NCAPD3: variants seen among roughly 807,000 people sequenced by gnomAD.
NCAPD3 encodes condensin-2 complex subunit D3.
Under a neutral mutation model 182.9 loss-of-function variants are expected in NCAPD3, and 105 were observed. The observed-to-expected ratio is 0.57, with a 90% CI of 0.49 to 0.68. NCAPD3 has a LOEUF of 0.68. NCAPD3 is among the 30% of genes least tolerant of loss of function. The pLI is 0.00. For missense variants in NCAPD3, 1,944 were observed against 1,837.0 expected, an observed-to-expected ratio of 1.06 and a Z score of -1.07; for synonymous variants, 815 against 679.9, an observed-to-expected ratio of 1.20 and a Z score of -3.09.
At position 134,157,948 on chromosome 11, in the gene NCAPD3, G is replaced by C; in HGVS notation, c.4154C>G (p.Pro1385Arg). 3 of 1,613,548 alleles carry C rather than the reference G, an allele frequency of 1.9e-6. No individual in the cohort carries two copies. The highest frequency in any genetic ancestry group is 1.7e-6 in the Non-Finnish European group (2 of 1,179,784). Residue 1385 changes from proline (P) to arginine (R), a missense_variant, in exon 31 of 35, where the codon CCA becomes CGA. Transcript: ENST00000534548. ...VLPFTLNSGS[P>R]EKTCSQVSSY... ...CTTACCCTGACTGCACGTTTTTTCTGGGCTTCCAGAATTTAAAGTGAAAGG... is the reference window on the plus strand; with the variant it reads ...CTTACCCTGACTGCACGTTTTTTCTCGGCTTCCAGAATTTAAAGTGAAAGG...
At chr11:134,224,083 G>T, upstream of NCAPD3, 1 of 863,970 alleles carries the variant, frequency 1.2e-6, no homozygotes, top group Non-Finnish European at 1.8e-6. Flanking sequence ...CCAATCACCG[G>T]CGTCGTCCGC....
At chr11:134,174,528 A>T (rs1027238476) in intron 24 of NCAPD3, among the ~76,000 whole-genome samples, 1 of 151,954 alleles carries the variant, frequency 6.6e-6, no homozygotes, top group Non-Finnish European at 1.5e-5. Flanking sequence ...ACACACTCTC[A>T]CTCATATGTA....
In NCAPD3 at chr11:134,206,665, T is replaced by C. The variant is rs1304833066; in HGVS notation, c.950A>G (p.His317Arg). 3.1e-6 allele frequency: 5 copies of C among 1,613,864 alleles called. No individual in the cohort carries two copies. The highest frequency in any genetic ancestry group is 1.6e-4 in the Middle Eastern group (1 of 6,062). ...ILMLEVGEGS[H>R]RAPLAVTSQV... is the part of the protein sequence containing the mutation. ...GGAGGTAACAGCAAGGGGGGCACGA[T>C]GGGATCCTTCACCAACTTCTAACAT... The change falls in exon 8 of 35, where the codon CAT becomes CGT. Residue 317 changes from histidine (H) to arginine (R), a missense_variant. Physicochemically the swap from His to Arg is conservative, Grantham distance 29. This residue lies in a region of NCAPD3 where 1,803 missense variants were observed against 1,674.6 expected (regional missense o/e 1.08). Coordinates refer to ENST00000534548, the MANE Select transcript of NCAPD3 (RefSeq NM_015261.3).
At chr11:134,171,210 C>T (rs139900473) in intron 24 of NCAPD3, among the ~76,000 whole-genome samples, 2 of 152,122 alleles carry the variant, frequency 1.3e-5, no homozygotes, top group Non-Finnish European at 2.9e-5. Context: ...CTCAGGGATG[C>T]GGTCTATGGA....
At chr11:134,224,182 G>A (rs1938361888), upstream of NCAPD3, 2 of 586,676 alleles carry the variant, frequency 3.4e-6, no homozygotes, top group East Asian at 5.8e-5. Flanking sequence ...GAAGGAGCCA[G>A]GGCCTGAGTT....
At chr11:134,168,769 T>C (rs934257470) in intron 25 of NCAPD3, 148 bp downstream of exon 25, 1 of 1,355,514 alleles carries the variant, frequency 7.4e-7, no homozygotes, top group African/African-American at 1.5e-5. Context: ...TTCTCACGAC[T>C]GTATTTTCTT....
chr11:134,168,924 A>T lies in NCAPD3; in HGVS notation c.3232T>A (p.Ser1078Thr). 6.2e-7 allele frequency: 1 copy of T among 1,613,178 alleles called. No homozygotes were observed. The highest frequency in any genetic ancestry group is 1.1e-5 in the South Asian group (1 of 90,886). The change falls in exon 25 of 35, where the codon TCA (serine) becomes ACA (threonine). Residue 1078 changes from serine to threonine, a missense_variant. By Grantham distance (58) the Ser-to-Thr change is moderately conservative. This residue lies in a region of NCAPD3 where 1,803 missense variants were observed against 1,674.6 expected (regional missense o/e 1.08). Transcript: ENST00000534548. ...KHEKYNKFPQSEREKRLFSLK... is the reference protein window; with the variant it reads ...KHEKYNKFPQTEREKRLFSLK... ...CTTAGCTGCTTCACTGACCTCTCTG[A>T]CTGGGGGAACTTGTTGTACTTCTCA... is the stretch of plus-strand genomic sequence containing the variant.
chr11:134,160,017 G>C lies in NCAPD3; in HGVS notation c.3742C>G (p.Leu1248Val), dbSNP rs991995164. ...ATGTCATACTCAAGCTCTGATGCCA[G>C]CTGTTTGTCAACTGCAAAGAAGTCC... ...LKDFFAVDKQLASELEYDMKK... is the reference protein window; with the variant it reads ...LKDFFAVDKQVASELEYDMKK... The change falls in exon 29 of 35, where the codon CTG (leucine) becomes GTG (valine). Residue 1248 changes from leucine to valine, a missense_variant. By Grantham distance (32) the Leu-to-Val change is conservative. Transcript: ENST00000534548. 2 of 1,614,148 alleles carry C rather than the reference G, an allele frequency of 1.2e-6. No homozygotes were observed. The highest frequency in any genetic ancestry group is 1.7e-6 in the Non-Finnish European group (2 of 1,180,042).
In NCAPD3 at chr11:134,151,783, T is replaced by TA. The variant is rs774487771; in HGVS notation, c.*1160dup. 7.2e-5 allele frequency: 11 copies of TA among 152,226 alleles called. No homozygotes were observed. Among genetic ancestry groups the TA allele is most frequent in the Non-Finnish European group, 1.6e-4 (11 of 68,038 alleles). The allele number at this position is 152,226 out of a possible 1,614,324, so 9.4% of individuals were successfully genotyped here. On this transcript the variant is annotated 3_prime_UTR_variant, in exon 35 of 35. Transcript: ENST00000534548. Reference sequence around the variant, plus strand: ...TGCTTCATTCTTTGTTATTTGCTCTTACGTTGGGTTTGTCTCTTCTTCCTA... The same window carrying TA: ...TGCTTCATTCTTTGTTATTTGCTCTTAACGTTGGGTTTGTCTCTTCTTCCTA...
intron 2 of NCAPD3, among the ~76,000 whole-genome samples, chr11:134,219,155 G>A (rs892508243): frequency 5.3e-5 from 8 of 152,078 alleles, no homozygotes; most frequent in African/African-American, 1.2e-4. Flanking sequence ...TTCCCATTGG[G>A]TGGCTCCTTC....
intron 23 of NCAPD3, among the ~76,000 whole-genome samples, 192 bp downstream of exon 23, chr11:134,177,027 A>G (rs1464191609): frequency 2.6e-5 from 4 of 152,260 alleles, no homozygotes; most frequent in Admixed American, 2.6e-4. Flanking sequence ...AAAGTCCCAA[A>G]ATGAACATTC....
rs1218384099 is a variant in NCAPD3 at position 134,152,880 on chromosome 11, CGGA to C, written c.*61_*63del. ...GGGAAGTGATCCAGCTGCCTTCACA[CGGA>C]GGACACGAGACTGCTTCCTCAAGGG... On this transcript the variant is annotated 3_prime_UTR_variant, in exon 35 of 35. Transcript: ENST00000534548. The C allele has an allele frequency of 1.5e-6, 2 of 1,302,886 alleles. No individual in the cohort carries two copies. The highest frequency in any genetic ancestry group is 3.0e-5 in the African/African-American group (2 of 67,292). The allele number at this position is 1,302,886 out of a possible 1,614,324, so 80.7% of individuals were successfully genotyped here.
At chr11:134,178,346 G>C (rs184545140) in intron 22 of NCAPD3, 1 of 239,842 alleles carries the variant, frequency 4.2e-6, no homozygotes, top group East Asian at 7.8e-5. Context: ...ACAGAAACAG[G>C]TATAATTGTA....
rs1395822464 is a variant in NCAPD3, at chr11:134,169,103, A to G, written c.3102-49T>C. ...AGGGAGACCCATTTGCTATGTACCA[A>G]CAGTCTCTGAATACACCAAGAACTC... On this transcript the variant is annotated intron_variant, in intron 24 of 34. Coordinates refer to ENST00000534548, the MANE Select transcript of NCAPD3 (RefSeq NM_015261.3). 3.2e-6 allele frequency: 5 copies of G among 1,578,448 alleles called. No individual in the cohort carries two copies. The African/African-American group carries it at 6.8e-5, about 21-fold the overall frequency.
chr11:134,166,743 TG>T (rs578065383), intron 27 of NCAPD3, among the ~76,000 whole-genome samples: 51 of 77,888 alleles, frequency 6.5e-4, no homozygotes, highest in African/African-American at 2.6e-3. Context: ...GAGATGAGCT[TG>T]GGGGAGGCGC....
intron 1 of NCAPD3, among the ~76,000 whole-genome samples, chr11:134,222,230 C>T (rs1938257863): frequency 6.6e-6 from 1 of 152,220 alleles, no homozygotes; most frequent in African/African-American, 2.4e-5. Context: ...ATGCAGGTAA[C>T]TTCTGCTCTG....
At chr11:134,164,814 C>T (rs1943713377) in intron 27 of NCAPD3, among the ~76,000 whole-genome samples, 3 of 144,260 alleles carry the variant, frequency 2.1e-5, no homozygotes, top group Non-Finnish European at 4.5e-5. Context: ...ACTTCACACT[C>T]ATGAAATGAC....
In NCAPD3 at chr11:134,178,717, T is replaced by C; in HGVS notation, c.2699A>G (p.Glu900Gly). 1 of 1,606,154 alleles carries C rather than the reference T, an allele frequency of 6.2e-7. No homozygotes were observed. The highest frequency in any genetic ancestry group is 1.7e-5 in the Admixed American group (1 of 59,662). The change falls in exon 22 of 35, where the codon GAG becomes GGG. Residue 900 changes from glutamate to glycine, a missense_variant. Physicochemically the swap from Glu to Gly is moderately conservative, Grantham distance 98 (BLOSUM62 -2). Transcript: ENST00000534548. ...DHSPSSQGSS[E>G]APASQPPPQV... ...GGGGGGTGGCTGAGACGCTGGGGCCTCACTGCTGCCTTGAGATGATGGTGC... is the reference window on the plus strand; with the variant it reads ...GGGGGGTGGCTGAGACGCTGGGGCCCCACTGCTGCCTTGAGATGATGGTGC...
At chr11:134,174,686 T>C (rs1944116886) in intron 24 of NCAPD3, among the ~76,000 whole-genome samples, 2 of 152,098 alleles carry the variant, frequency 1.3e-5, no homozygotes, top group African/African-American at 4.8e-5. Flanking sequence ...TTGAATATAA[T>C]AACAACAATT....
Sources: allele counts gnomAD v4.1 joint callset (sites outside exome capture counted in the v4.1 genomes callset), GRCh38; gene constraint gnomAD v4.1.1; regional missense constraint gnomAD v4.1.1; transcripts MANE v1.5; gene names NCBI Gene and HGNC (gene_info 2026-07-23, HGNC 2026-07-21).